CEP43: variants seen among roughly 807,000 people sequenced by gnomAD.
The protein encoded by CEP43 is FGFR1 oncogene partner.
Under a neutral mutation model 52.6 loss-of-function variants are expected in CEP43, and 36 were observed. That is an observed-to-expected ratio of 0.68 (90% CI 0.52 to 0.90). CEP43 has a LOEUF of 0.90. CEP43 is among the 40% of genes least tolerant of loss of function. CEP43 has a pLI of 0.00. For synonymous variants in CEP43, 192 were observed against 172.4 expected (o/e 1.11, Z -0.89); for missense variants, 506 against 472.8 (o/e 1.07, Z -0.65).
intron 7 of CEP43, among the ~76,000 whole-genome samples, chr6:167,018,025 G>A (rs545374510): frequency 2.4e-4 from 36 of 152,266 alleles, no homozygotes; most frequent in Admixed American, 1.6e-3. Context: ...ATCAAGGTTC[G>A]CGGAGGGCTG....
In CEP43 at chr6:167,041,635, AG is replaced by A; in HGVS notation, c.*1659del. On this transcript the variant is annotated 3_prime_UTR_variant, in exon 13 of 13. Transcript: ENST00000366847. ...TTATTTTTAATATTTGATAGGAACT[AG>A]GTTTCAGTGAAATGATTTGAAAGCA... 1 of 1,043,686 alleles carries A rather than the reference AG, an allele frequency of 9.6e-7. No individual in the cohort carries two copies. Among genetic ancestry groups the A allele is most frequent in the Non-Finnish European group, 1.2e-6 (1 of 865,446 alleles). The allele number at this position is 1,043,686 out of a possible 1,614,324, so 64.7% of individuals were successfully genotyped here.
chr6:167,044,504 A>G lies in CEP43; in HGVS notation c.*4526A>G, dbSNP rs1408831655. 3 of 985,316 alleles carry G rather than the reference A, an allele frequency of 3.0e-6. No homozygotes were observed. The highest frequency in any genetic ancestry group is 3.5e-5 in the African/African-American group (2 of 57,240). 61.0% of individuals were successfully genotyped at this position (985,316 alleles called of 1,614,324 possible). ...GAAGTCAGATTGGAAAAGTGTCCTC[A>G]GGTTCAAGGAAACCTGGGTGTGCAC... On this transcript the variant is annotated 3_prime_UTR_variant, in exon 13 of 13. Coordinates refer to ENST00000366847, the MANE Select transcript of CEP43 (RefSeq NM_007045.4).
At chr6:167,016,137 T>G (rs1000506678) in intron 7 of CEP43, among the ~76,000 whole-genome samples, 3 of 152,178 alleles carry the variant, frequency 2.0e-5, no homozygotes. Context: ...TTTTTACCAT[T>G]TAGTTGGAAA....
Position 167,024,900 on chromosome 6 carries a change from T to G in CEP43, c.919+6T>G. ...TTCTTTAAAAGACTCTGAGAGTAAG[T>G]GCCCAAAGATGTGGACTTCAATACT... On this transcript the variant is annotated splice_donor_region_variant and intron_variant, in intron 9 of 12. Coordinates refer to ENST00000366847, the MANE Select transcript of CEP43 (RefSeq NM_007045.4). 6.8e-7 allele frequency: 1 copy of G among 1,463,226 alleles called. No homozygotes were observed. Among genetic ancestry groups the G allele is most frequent in the Non-Finnish European group, 9.5e-7 (1 of 1,049,486 alleles). 90.6% of individuals were successfully genotyped at this position (1,463,226 alleles called of 1,614,324 possible).
At chr6:167,022,936 C>G (rs1780271002) in intron 8 of CEP43, among the ~76,000 whole-genome samples, 1 of 152,096 alleles carries the variant, frequency 6.6e-6, no homozygotes, top group Admixed American at 6.6e-5. Context: ...AGCTCATGCT[C>G]TGGTGACAGA....
At chr6:167,030,195 TC>T (rs1252260284) in intron 10 of CEP43, among the ~76,000 whole-genome samples, 1 of 152,210 alleles carries the variant, frequency 6.6e-6, no homozygotes, top group Admixed American at 6.5e-5. Context: ...AGGTGGGGAA[TC>T]CAGTTAGCTT....
chr6:167,026,785 A>G (rs894686967), intron 10 of CEP43, among the ~76,000 whole-genome samples, 170 bp downstream of exon 10: 3 of 152,216 alleles, frequency 2.0e-5, no homozygotes, highest in African/African-American at 4.8e-5. Flanking sequence ...TATGCGAGAG[A>G]TGGCTACAGC....
chr6:167,026,130 C>T (rs138622104), intron 9 of CEP43, among the ~76,000 whole-genome samples: 43 of 152,192 alleles, frequency 2.8e-4, no homozygotes, highest in Middle Eastern at 3.4e-3. Flanking sequence ...TTTGGGAGGC[C>T]GAGGTGGGTG....
rs778659192 is a variant in CEP43, at chr6:167,003,801, A to C, written c.290A>C (p.Glu97Ala). 10 of 1,593,428 alleles carry C rather than the reference A, an allele frequency of 6.3e-6. No individual in the cohort carries two copies. Among genetic ancestry groups the C allele is most frequent in the East Asian group, 2.2e-5 (1 of 44,638 alleles). ...TTTACTTTGGCTGTTTTTCAACCTG[A>C]AACTAGCACAGTAAGAATAATGATT... ...LDFTLAVFQP[E>A]TSTLQGLEGR... The change falls in exon 4 of 13, where the codon GAA (glutamate) becomes GCA (alanine). Residue 97 changes from glutamate to alanine, a missense_variant. By Grantham distance (107) the Glu-to-Ala change is moderately radical. Coordinates refer to ENST00000366847, the MANE Select transcript of CEP43 (RefSeq NM_007045.4).
At position 167,042,034 on chromosome 6, in the gene CEP43, G is replaced by T; in HGVS notation, c.*2056G>T. 1 of 591,786 alleles carries T rather than the reference G, an allele frequency of 1.7e-6. No individual in the cohort carries two copies. The highest frequency in any genetic ancestry group is 2.2e-6 in the Non-Finnish European group (1 of 465,104). The allele number at this position is 591,786 out of a possible 1,614,324, so 36.7% of individuals were successfully genotyped here. Reference sequence around the variant, plus strand: ...AGATGGGGTTTCACCATGTTGGTCAGGCTGGTCTTGAACTCCTGACCTCGT... The same window carrying T: ...AGATGGGGTTTCACCATGTTGGTCATGCTGGTCTTGAACTCCTGACCTCGT... On this transcript the variant is annotated 3_prime_UTR_variant, in exon 13 of 13. Coordinates refer to ENST00000366847, the MANE Select transcript of CEP43 (RefSeq NM_007045.4).
At chr6:166,999,787 C>A (rs1583262947) in intron 1 of CEP43, 1 of 527,970 alleles carries the variant, frequency 1.9e-6, no homozygotes, top group South Asian at 2.6e-5. Flanking sequence ...GGCTTGGGGG[C>A]CACACGGGCG....
intron 10 of CEP43, among the ~76,000 whole-genome samples, chr6:167,030,074 A>G (rs775533191): frequency 3.3e-5 from 5 of 152,236 alleles, no homozygotes; most frequent in African/African-American, 9.6e-5. Flanking sequence ...TGGATCTTCA[A>G]TTGCTTCAGG....
intron 7 of CEP43, among the ~76,000 whole-genome samples, chr6:167,016,951 A>G (rs1025407336): frequency 1.3e-5 from 2 of 151,918 alleles, no homozygotes. Context: ...AAAAATGGTT[A>G]TAAAAAATAA....
At chr6:167,008,572 A>G (rs1265401066) in intron 5 of CEP43, among the ~76,000 whole-genome samples, 1 of 152,028 alleles carries the variant, frequency 6.6e-6, no homozygotes, top group Non-Finnish European at 1.5e-5. Flanking sequence ...GGTTCACGAC[A>G]TTCTTCTGCC....
Position 167,041,844 on chromosome 6 carries a change from G to GGCCCCC in CEP43, c.*1866_*1867insGCCCCC. The GGCCCCC allele has an allele frequency of 6.9e-6, 1 of 144,932 alleles. No individual in the cohort carries two copies. Among genetic ancestry groups the GGCCCCC allele is most frequent in the Non-Finnish European group, 1.2e-5 (1 of 80,402 alleles). 9.0% of individuals were successfully genotyped at this position (144,932 alleles called of 1,614,324 possible). ...TCTTTTTTTTGCGGGGGGCGGGGGG[G>GGCCCCC]ACAGAGTCTCACTGTGTCACTCAGA... On this transcript the variant is annotated 3_prime_UTR_variant, in exon 13 of 13. Transcript: ENST00000366847.
At chr6:167,032,580 A>G (rs373951182) in intron 10 of CEP43, 23 bp from the exon 11 acceptor site, 536 of 1,556,898 alleles carry the variant, frequency 3.4e-4, no homozygotes, top group Non-Finnish European at 4.1e-4. Flanking sequence ...TAGATATAAC[A>G]TATCTTTTCT....
intron 12 of CEP43, chr6:167,035,949 A>G: frequency 1.8e-6 from 1 of 568,180 alleles, no homozygotes; most frequent in Non-Finnish European, 2.2e-6. Flanking sequence ...ATAAGCGTGT[A>G]AAGCATATAG....
chr6:167,012,784 G>A (rs111784509), intron 6 of CEP43, among the ~76,000 whole-genome samples: 19 of 152,116 alleles, frequency 1.2e-4, no homozygotes, highest in African/African-American at 4.3e-4. Flanking sequence ...TTCCAGAGAA[G>A]GGGGGACTGT....
At chr6:167,012,699 A>G (rs1193545451) in intron 6 of CEP43, among the ~76,000 whole-genome samples, 3 of 152,196 alleles carry the variant, frequency 2.0e-5, no homozygotes, top group Admixed American at 1.3e-4. Flanking sequence ...TTCTCCCTAC[A>G]TACATTTTAA....
Sources: gnomAD v4.1 joint callset for allele counts (sites outside exome capture counted in the v4.1 genomes callset) on GRCh38, gnomAD v4.1.1 for gene constraint, MANE v1.5 for transcripts, NCBI Gene and HGNC (gene_info 2026-07-23, HGNC 2026-07-21) for gene names.